The following SNCB variants were observed in gnomAD, a reference collection of about 807,000 sequenced individuals.
The protein encoded by SNCB is beta-synuclein.
A neutral mutation model predicts 20.0 loss-of-function variants in SNCB; 8 were observed. The observed-to-expected ratio is 0.40, with a 90% CI of 0.24 to 0.72. The LOEUF (loss-of-function observed/expected upper bound fraction) is 0.72. Ranked by LOEUF, SNCB falls within the 30% of genes least tolerant of loss-of-function variation. The pLI is 0.37. For synonymous variants in SNCB, 56 were observed against 65.4 expected, an observed-to-expected ratio of 0.86 and a Z score of 0.69; for missense variants, 125 against 168.0, an observed-to-expected ratio of 0.74 and a Z score of 1.41.
rs1386227721 is a variant in SNCB, at chr5:176,626,608, A to G, written c.164-92T>C. 2 of 1,518,372 alleles carry G rather than the reference A, an allele frequency of 1.3e-6. No individual in the cohort carries two copies. The highest frequency in any genetic ancestry group is 2.3e-5 in the East Asian group (1 of 44,394). The allele number at this position is 1,518,372 out of a possible 1,614,324, so 94.1% of individuals were successfully genotyped here. The stretch of plus-strand genomic sequence containing the variant: ...TAGTATCCCAGGGCCTGCCCTCCCC[A>G]CGGAGCATTCCCGCAGAAGCCTTGG... On this transcript the variant is annotated intron_variant, in intron 3 of 5. Transcript: ENST00000393693. This position sits in a 1 kb window ranked among gnomAD's most constrained non-coding sequence, Gnocchi z 4.2.
chr5:176,620,738 A>T lies in SNCB; in HGVS notation c.*73T>A. ...GTGATTGGGGAGAAGGAGTCTAAGG[A>T]CAGCCCTGGCTCTGGGGGGCGGGGC... On this transcript the variant is annotated 3_prime_UTR_variant, in exon 6 of 6. Transcript: ENST00000393693. This position sits in a 1 kb window ranked among gnomAD's most constrained non-coding sequence, Gnocchi z 4.5. 4 of 1,023,954 alleles carry T rather than the reference A, an allele frequency of 3.9e-6. No individual in the cohort carries two copies. The South Asian group carries it at 5.0e-5, about 13-fold the overall frequency. 63.4% of individuals were successfully genotyped at this position (1,023,954 alleles called of 1,614,324 possible).
Position 176,626,578 on chromosome 5 carries a change from C to T in SNCB, c.164-62G>A. On this transcript the variant is annotated intron_variant, in intron 3 of 5. Coordinates refer to ENST00000393693, the MANE Select transcript of SNCB (RefSeq NM_003085.5). The surrounding 1 kb of genome is among the most constrained non-coding windows in gnomAD (Gnocchi z 4.2). ...GCCAGGGGGAAACACCGATGCCCTG[C>T]CTTGTAGTATCCCAGGGCCTGCCCT... 6.6e-7 allele frequency: 1 copy of T among 1,505,476 alleles called. No individual in the cohort carries two copies. Among genetic ancestry groups the T allele is most frequent in the Non-Finnish European group, 9.2e-7 (1 of 1,081,256 alleles). 93.3% of individuals were successfully genotyped at this position (1,505,476 alleles called of 1,614,324 possible). A position where few individuals can be genotyped will look rare whatever the true frequency, so the allele number is the denominator to read the frequency against.
chr5:176,628,670 T>A (rs575162862), intron 2 of SNCB, among the ~76,000 whole-genome samples: 1 of 152,184 alleles, frequency 6.6e-6, no homozygotes, highest in Non-Finnish European at 1.5e-5. Context: ...TACTCAGGGA[T>A]GAGGCATTCT....
intron 4 of SNCB, among the ~76,000 whole-genome samples, chr5:176,625,277 C>T (rs921989947): frequency 1.3e-5 from 2 of 152,186 alleles, no homozygotes; most frequent in African/African-American, 2.4e-5. Flanking sequence ...CCTGGAACTG[C>T]GGCATCAACC....
Position 176,620,724 on chromosome 5 carries a change from GAAGGAGTCT to G in SNCB, c.*78_*86del. ...GGAAGGAAGATCTCGTGATTGGGGA[GAAGGAGTCT>G]AAGGACAGCCCTGGCTCTGGGGGGC... On this transcript the variant is annotated 3_prime_UTR_variant, in exon 6 of 6. Transcript: ENST00000393693. The surrounding 1 kb of genome is among the most constrained non-coding windows in gnomAD (Gnocchi z 4.5). 2.2e-6 allele frequency: 2 copies of G among 898,106 alleles called. No individual in the cohort carries two copies. 55.6% of individuals were successfully genotyped at this position (898,106 alleles called of 1,614,324 possible).
rs1230808621 is a variant in SNCB at position 176,629,068 on chromosome 5, A to T, written c.121+466T>A. ...TCAGAATCTATAAAGCTCCGTTCAA[A>T]CCCCAGCTTCAGCATTTACCAGCTG... is the stretch of plus-strand genomic sequence containing the variant. On this transcript the variant is annotated intron_variant, in intron 2 of 5. Coordinates refer to ENST00000393693, the MANE Select transcript of SNCB (RefSeq NM_003085.5). This position sits in a 1 kb window ranked among gnomAD's most constrained non-coding sequence, Gnocchi z 4.1. 4.6e-5 allele frequency among the ~76,000 whole-genome samples: 7 copies of T among 152,066 alleles called. No individual in the cohort carries two copies. The highest frequency in any genetic ancestry group is 1.5e-5 in the Non-Finnish European group (1 of 67,982).
At chr5:176,625,419 T>C (rs1759879129) in intron 4 of SNCB, among the ~76,000 whole-genome samples, 1 of 152,242 alleles carries the variant, frequency 6.6e-6, no homozygotes, top group Non-Finnish European at 1.5e-5. Flanking sequence ...CACTCAAGCT[T>C]TGAGAATATC....
intron 2 of SNCB, among the ~76,000 whole-genome samples, chr5:176,628,064 G>A (rs1490961773): frequency 1.3e-5 from 2 of 152,200 alleles, no homozygotes; most frequent in African/African-American, 4.8e-5. Context: ...AGCCATGGGT[G>A]TGGTGGGAAA....
rs1759519608 is a variant in SNCB, at chr5:176,620,636, G to A, written c.*175C>T. On this transcript the variant is annotated 3_prime_UTR_variant, in exon 6 of 6. Transcript: ENST00000393693. The surrounding 1 kb of genome is among the most constrained non-coding windows in gnomAD (Gnocchi z 4.5). ...CTGTCCATGCCCCGGGGTTGGACGCGGGCGGGTAGGACAGACAGATGGACA... is the reference window on the plus strand; with the variant it reads ...CTGTCCATGCCCCGGGGTTGGACGCAGGCGGGTAGGACAGACAGATGGACA... The A allele has an allele frequency of 7.9e-6, 5 of 635,210 alleles. No individual in the cohort carries two copies. The highest frequency in any genetic ancestry group is 7.3e-5 in the South Asian group (4 of 54,580). The allele number at this position is 635,210 out of a possible 1,614,324, so 39.3% of individuals were successfully genotyped here. A position where few individuals can be genotyped will look rare whatever the true frequency, so the allele number is the denominator to read the frequency against.
Position 176,621,441 on chromosome 5 carries a change from T to C in SNCB, c.283-138A>G, listed in dbSNP as rs1329918161. Reference sequence around the variant, plus strand: ...GCAAGGATAATTTCTAATTCAGTTATTTATTTGGAGTGCCTTGGAAGTGGG... The same window carrying C: ...GCAAGGATAATTTCTAATTCAGTTACTTATTTGGAGTGCCTTGGAAGTGGG... On this transcript the variant is annotated intron_variant, in intron 4 of 5. Transcript: ENST00000393693. This position sits in a 1 kb window ranked among gnomAD's most constrained non-coding sequence, Gnocchi z 4.1. 2 of 735,540 alleles carry C rather than the reference T, an allele frequency of 2.7e-6. No homozygotes were observed. Among genetic ancestry groups the C allele is most frequent in the Admixed American group, 2.0e-5 (1 of 49,764 alleles). The allele number at this position is 735,540 out of a possible 1,614,324, so 45.6% of individuals were successfully genotyped here.
chr5:176,624,259 C>A (rs1759790035), intron 4 of SNCB, among the ~76,000 whole-genome samples: 1 of 152,214 alleles, frequency 6.6e-6, no homozygotes, highest in Admixed American at 6.5e-5. Context: ...ACCAAGCGAC[C>A]CCAGTGACAT....
rs958416083 is a variant in SNCB at position 176,626,979 on chromosome 5, C to T, written c.122-218G>A. 6.6e-6 allele frequency among the ~76,000 whole-genome samples: 1 copy of T among 152,204 alleles called. No individual in the cohort carries two copies. The highest frequency in any genetic ancestry group is 6.5e-5 in the Admixed American group (1 of 15,286). On this transcript the variant is annotated intron_variant, in intron 2 of 5. Coordinates refer to ENST00000393693, the MANE Select transcript of SNCB (RefSeq NM_003085.5). The surrounding 1 kb of genome is among the most constrained non-coding windows in gnomAD (Gnocchi z 4.2). ...GGTTGCAGTTCTCTCCCACCTGATG[C>T]GATACCCCACCCCTCTAGTGGATGT... is the stretch of plus-strand genomic sequence containing the variant.
Position 176,626,561 on chromosome 5 carries a change from G to A in SNCB, c.164-45C>T, listed in dbSNP as rs1217058851. The A allele has an allele frequency of 1.3e-6, 2 of 1,545,396 alleles. No individual in the cohort carries two copies. The stretch of plus-strand genomic sequence containing the variant: ...GAGGAAGGGGTTTGGGAGCCAGGGG[G>A]AAACACCGATGCCCTGCCTTGTAGT... On this transcript the variant is annotated intron_variant, in intron 3 of 5. Transcript: ENST00000393693. This position sits in a 1 kb window ranked among gnomAD's most constrained non-coding sequence, Gnocchi z 4.2.
At chr5:176,628,562 C>G (rs765664069) in intron 2 of SNCB, among the ~76,000 whole-genome samples, 1 of 152,224 alleles carries the variant, frequency 6.6e-6, no homozygotes, top group Admixed American at 6.5e-5. Flanking sequence ...TCCTGCCCAT[C>G]GCTCTGACCT....
At chr5:176,630,019 C>G (rs533661476) in intron 1 of SNCB, 68 of 200,706 alleles carry the variant, frequency 3.4e-4, no homozygotes, top group South Asian at 8.4e-4. Flanking sequence ...ACACCACGGA[C>G]AAGCTCACGT....
At chr5:176,624,102 T>C (rs1759781449) in intron 4 of SNCB, among the ~76,000 whole-genome samples, 1 of 152,144 alleles carries the variant, frequency 6.6e-6, no homozygotes, top group South Asian at 2.1e-4. Flanking sequence ...GAGGGTAGCC[T>C]TGAGGCGTCA....
In SNCB at chr5:176,629,552, C is replaced by T; in HGVS notation, c.103G>A (p.Glu35Lys). The change falls in exon 2 of 6, where the codon GAG (glutamate) becomes AAG (lysine). Residue 35 changes from glutamate (E) to lysine (K), a missense_variant. By Grantham distance (56) the Glu-to-Lys change is moderately conservative. Coordinates refer to ENST00000393693, the MANE Select transcript of SNCB (RefSeq NM_003085.5). This position sits in a 1 kb window ranked among gnomAD's most constrained non-coding sequence, Gnocchi z 4.1. The stretch of plus-strand genomic sequence containing the variant: ...TACCCACCGACGTAGAGGACGCCCT[C>T]CTTGGTCTTCTCCGCCGCCTCGGTG... ...GVTEAAEKTK[E>K]GVLYVGSKTR... is the part of the protein sequence containing the mutation. 1 of 1,611,498 alleles carries T rather than the reference C, an allele frequency of 6.2e-7. No homozygotes were observed. The highest frequency in any genetic ancestry group is 1.7e-5 in the Admixed American group (1 of 59,866).
Position 176,620,741 on chromosome 5 carries a change from G to T in SNCB, c.*70C>A. On this transcript the variant is annotated 3_prime_UTR_variant, in exon 6 of 6. Transcript: ENST00000393693. This position sits in a 1 kb window ranked among gnomAD's most constrained non-coding sequence, Gnocchi z 4.5. Reference sequence around the variant, plus strand: ...ATTGGGGAGAAGGAGTCTAAGGACAGCCCTGGCTCTGGGGGGCGGGGCAGG... The same window carrying T: ...ATTGGGGAGAAGGAGTCTAAGGACATCCCTGGCTCTGGGGGGCGGGGCAGG... 1 of 1,059,556 alleles carries T rather than the reference G, an allele frequency of 9.4e-7. No individual in the cohort carries two copies. Among genetic ancestry groups the T allele is most frequent in the Non-Finnish European group, 1.5e-6 (1 of 672,118 alleles). 65.6% of individuals were successfully genotyped at this position (1,059,556 alleles called of 1,614,324 possible). A position where few individuals can be genotyped will look rare whatever the true frequency, so the allele number is the denominator to read the frequency against.
At chr5:176,623,158 T>G (rs1412694105) in intron 4 of SNCB, among the ~76,000 whole-genome samples, 1 of 151,824 alleles carries the variant, frequency 6.6e-6, no homozygotes, top group Non-Finnish European at 1.5e-5. Flanking sequence ...GAGGTCAAGG[T>G]GGGCAGATCA....
Sources: gnomAD v4.1 joint callset for allele counts (sites outside exome capture counted in the v4.1 genomes callset) on GRCh38, gnomAD v4.1.1 for gene constraint, Gnocchi (gnomAD v3.1) non-coding constraint, MANE v1.5 for transcripts, NCBI Gene and HGNC (gene_info 2026-07-23, HGNC 2026-07-21) for gene names.